The following SDK1 variants were observed in gnomAD, a reference collection of about 807,000 sequenced individuals.
The protein encoded by SDK1 is sidekick cell adhesion molecule 1, also known as protein sidekick-1.
SDK1 carries 157 observed loss-of-function variants against 245.5 expected under a neutral mutation model. That is an observed-to-expected ratio of 0.64 (90% confidence interval 0.56 to 0.73). The LOEUF (loss-of-function observed/expected upper bound fraction) is 0.73. Among genes scored for constraint, SDK1 ranks in the 30% least tolerant of loss-of-function variants. The pLI is 0.00. For synonymous variants in SDK1, 1,647 were observed against 1,278.5 expected (o/e 1.29, Z -6.15); for missense variants, 3,583 against 3,002.3 (o/e 1.19, Z -4.52).
intron 5 of SDK1, among the ~76,000 whole-genome samples, chr7:3,825,710 T>C (rs1283574092): frequency 2.0e-5 from 3 of 152,184 alleles, no homozygotes; most frequent in Admixed American, 6.5e-5. Flanking sequence ...GAAAGTGGAT[T>C]CCTGAGAATG....
intron 35 of SDK1, among the ~76,000 whole-genome samples, chr7:4,180,140 G>C (rs752952079): frequency 1.3e-5 from 2 of 152,108 alleles, no homozygotes; most frequent in South Asian, 2.1e-4. Flanking sequence ...AACAGGACTG[G>C]ATGCCCAGCA....
intron 1 of SDK1, among the ~76,000 whole-genome samples, chr7:3,498,067 A>G (rs975828847): frequency 6.6e-6 from 1 of 152,242 alleles, no homozygotes; most frequent in African/African-American, 2.4e-5. Context: ...TTGGCCACTT[A>G]AAACCCTAAG....
At chr7:3,560,605 C>A (rs943502204) in intron 1 of SDK1, among the ~76,000 whole-genome samples, 18 of 152,120 alleles carry the variant, frequency 1.2e-4, no homozygotes, top group Admixed American at 3.3e-4. Context: ...TCCCTTGCAC[C>A]CCACAGCCCA....
chr7:3,875,889 C>G (rs1198210141), intron 5 of SDK1, among the ~76,000 whole-genome samples: 3 of 151,986 alleles, frequency 2.0e-5, no homozygotes, highest in Admixed American at 1.3e-4. Context: ...CCTGGTGTCC[C>G]CTCCTTAACT....
intron 1 of SDK1, among the ~76,000 whole-genome samples, chr7:3,324,527 C>T (rs1328259537): frequency 6.6e-6 from 1 of 152,104 alleles, no homozygotes; most frequent in Non-Finnish European, 1.5e-5. Flanking sequence ...AGTTTGTTTG[C>T]TCCTGAGTAT....
intron 3 of SDK1, among the ~76,000 whole-genome samples, chr7:3,639,622 T>C (rs754252336): frequency 6.6e-5 from 10 of 152,104 alleles, no homozygotes; most frequent in Non-Finnish European, 1.2e-4. Flanking sequence ...AGAACGAAAC[T>C]TTTAAAAGTA....
chr7:3,753,014 G>A (rs1562417726), intron 4 of SDK1, among the ~76,000 whole-genome samples: 2 of 152,060 alleles, frequency 1.3e-5, no homozygotes, highest in South Asian at 2.1e-4. Context: ...GGTAGCCCAC[G>A]TTGATACTAC....
chr7:3,398,045 G>T (rs950429022), intron 1 of SDK1, among the ~76,000 whole-genome samples: 5 of 152,196 alleles, frequency 3.3e-5, no homozygotes, highest in African/African-American at 1.2e-4. Flanking sequence ...TAGGTCTTCA[G>T]TGTGAGGTTT....
At chr7:3,663,985 A>G (rs1783446899) in intron 4 of SDK1, among the ~76,000 whole-genome samples, 1 of 152,138 alleles carries the variant, frequency 6.6e-6, no homozygotes, top group African/African-American at 2.4e-5. Context: ...AAAATTAACC[A>G]CAAGATATTT....
chr7:3,519,716 A>G (rs1205527301), intron 1 of SDK1, among the ~76,000 whole-genome samples: 1 of 152,198 alleles, frequency 6.6e-6, no homozygotes, highest in Non-Finnish European at 1.5e-5. Context: ...TAGTAATTTT[A>G]AATCCATTTA....
At chr7:3,572,303 T>G (rs1780141629) in intron 1 of SDK1, among the ~76,000 whole-genome samples, 2 of 152,034 alleles carry the variant, frequency 1.3e-5, no homozygotes, top group Non-Finnish European at 2.9e-5. Context: ...AAGGTGTTTT[T>G]GATTGATGGC....
Position 4,241,867 on chromosome 7 carries a change from C to G in SDK1, c.6205C>G (p.Arg2069Gly). 6.2e-7 allele frequency: 1 copy of G among 1,614,108 alleles called. No homozygotes were observed. The highest frequency in any genetic ancestry group is 8.5e-7 in the Non-Finnish European group (1 of 1,180,024). The change falls in exon 43 of 45, where the codon CGC becomes GGC. Residue 2069 changes from arginine (R) to glycine (G), a missense_variant. Physicochemically the swap from Arg to Gly is moderately radical, Grantham distance 125. Transcript: ENST00000404826. Reference sequence around the variant, plus strand: ...ATTTGCTGCCCTGGAGCTCAGCAGCCGCCACCTCAATGTCAAGAGCACCTT... The same window carrying G: ...ATTTGCTGCCCTGGAGCTCAGCAGCGGCCACCTCAATGTCAAGAGCACCTT... ...GGFAALELSS[R>G]HLNVKSTFSK... is the part of the protein sequence containing the mutation.
chr7:4,103,987 A>C (rs1782747176), intron 22 of SDK1, among the ~76,000 whole-genome samples: 1 of 152,230 alleles, frequency 6.6e-6, no homozygotes, highest in Non-Finnish European at 1.5e-5. Flanking sequence ...TTCCAATAAA[A>C]CTTTATTTAC....
At chr7:4,089,691 G>A (rs78962708) in intron 22 of SDK1, among the ~76,000 whole-genome samples, 2,850 of 152,326 alleles carry the variant, frequency 0.019, 38 homozygotes, top group Non-Finnish European at 0.03. Flanking sequence ...CCAGCTCACA[G>A]CCTGCAGCCA....
rs573855793 is a variant in SDK1, at chr7:3,647,192, A to G, written c.713+5087A>G. Among the ~76,000 whole-genome samples, 18 of 152,360 alleles carry G rather than the reference A, an allele frequency of 1.2e-4. 3 individuals are homozygous for G. The highest frequency in any genetic ancestry group is 4.3e-4 in the African/African-American group (18 of 41,596). ...CTTGAGCCCAGTAGCTTGAAGCTGCAGTGAGCTGTGATCACGCTATAGCAG... is the reference window on the plus strand; with the variant it reads ...CTTGAGCCCAGTAGCTTGAAGCTGCGGTGAGCTGTGATCACGCTATAGCAG... On this transcript the variant is annotated intron_variant, in intron 4 of 44. Transcript: ENST00000404826.
intron 5 of SDK1, among the ~76,000 whole-genome samples, chr7:3,930,122 A>G (rs977227351): frequency 6.6e-6 from 1 of 152,164 alleles, no homozygotes; most frequent in African/African-American, 2.4e-5. Context: ...GCTCGTTAAC[A>G]TTTAGGTCCT....
chr7:4,152,148 T>C (rs532918216), intron 30 of SDK1, among the ~76,000 whole-genome samples: 62 of 152,336 alleles, frequency 4.1e-4, no homozygotes, highest in African/African-American at 1.3e-3. Flanking sequence ...GTTTGCCTCA[T>C]TGCTGACCGC....
chr7:3,430,174 C>G lies in SDK1; in HGVS notation c.298+128290C>G, dbSNP rs73302318. ...GCATCTGCCTTCATCTCCGCATGCTCCTAGAGAAGGAGCCGTTTCAGCGAG... is the reference window on the plus strand; with the variant it reads ...GCATCTGCCTTCATCTCCGCATGCTGCTAGAGAAGGAGCCGTTTCAGCGAG... On this transcript the variant is annotated intron_variant, in intron 1 of 44. Transcript: ENST00000404826. Among the ~76,000 whole-genome samples the G allele has an allele frequency of 9.1e-3, 1,387 of 152,216 alleles. 26 individuals are homozygous for G. Among genetic ancestry groups the G allele is most frequent in the African/African-American group, 0.031 (1,307 of 41,532 alleles).
At chr7:3,422,059 A>T (rs1779549537) in intron 1 of SDK1, among the ~76,000 whole-genome samples, 1 of 152,190 alleles carries the variant, frequency 6.6e-6, no homozygotes, top group South Asian at 2.1e-4. Context: ...AAATTAGAAG[A>T]TATGAGGCCT....
Sources: gnomAD v4.1 joint callset for allele counts (sites outside exome capture counted in the v4.1 genomes callset) on GRCh38, gnomAD v4.1.1 for gene constraint, MANE v1.5 for transcripts, NCBI Gene and HGNC (gene_info 2026-07-23, HGNC 2026-07-21) for gene names.